Variants in NBPF20 observed in about 807,000 individuals in gnomAD.
NBPF20 encodes NBPF family member NBPF20.
NBPF20 carries 90 observed loss-of-function variants against 68.1 expected under a neutral mutation model. The ratio of observed to expected loss-of-function variants is 1.32; its 90% CI spans 1.11 to 1.58. The LOEUF (loss-of-function observed/expected upper bound fraction) is 1.58, where lower values mean the gene tolerates loss of function less well. Among genes scored for constraint, NBPF20 ranks in the 40% most tolerant of loss-of-function variants. The pLI is 0.00. For missense variants in NBPF20, 816 were observed against 601.2 expected (o/e 1.36, Z -3.74); for synonymous variants, 290 against 228.1 (o/e 1.27, Z -2.45).
intron 119 of NBPF20, among the ~76,000 whole-genome samples, 197 bp from the exon 125 acceptor site, chr1:145,306,262 G>GAC (rs1156980239): frequency 7.0e-6 from 1 of 143,674 alleles, no homozygotes; most frequent in African/African-American, 2.6e-5. Flanking sequence ...AAGACAGATA[G>GAC]ACACACACAC....
intron 8 of NBPF20, 50 bp downstream of exon 13, chr1:145,394,928 T>A: frequency 6.2e-7 from 1 of 1,610,704 alleles, no homozygotes; most frequent in Non-Finnish European, 8.5e-7. Flanking sequence ...TTATGGGGTC[T>A]ACCTGGGCCA....
intron 136 of NBPF20, 119 bp from the exon 142 acceptor site, chr1:145,292,608 T>G (rs587661599): frequency 5.3e-6 from 4 of 747,778 alleles, no homozygotes; most frequent in East Asian, 4.9e-5. Context: ...TAGGACACTT[T>G]GAGAGATATA....
In NBPF20 at chr1:145,402,155, T is replaced by A; in HGVS notation, c.493+12A>T. ...TGGGATTTTGGGTCATCAGGGCCTA[T>A]GGCCACCTTACCTGGGCTGAGCTTT... is the stretch of plus-strand genomic sequence containing the variant. On this transcript the variant is annotated intron_variant, in intron 4 of 137. Coordinates refer to ENST00000369373, the Ensembl canonical transcript of NBPF20. 1 of 1,449,852 alleles carries A rather than the reference T, an allele frequency of 6.9e-7. No homozygotes were observed. The highest frequency in any genetic ancestry group is 9.7e-7 in the Non-Finnish European group (1 of 1,033,608). The allele number at this position is 1,449,852 out of a possible 1,614,324, so 89.8% of individuals were successfully genotyped here. A position where few individuals can be genotyped will look rare whatever the true frequency, so the allele number is the denominator to read the frequency against.
intron 2 of NBPF20, among the ~76,000 whole-genome samples, chr1:145,403,976 G>A (rs1226592717): frequency 1.4e-5 from 2 of 138,392 alleles, no homozygotes; most frequent in Non-Finnish European, 3.1e-5. Flanking sequence ...AGATTGACAA[G>A]AAATAGCTCA....
At chr1:145,292,415 C>T (rs587703688) in exon 137 of NBPF20, 3 of 692,324 alleles carry the variant, frequency 4.3e-6, no homozygotes, top group South Asian at 3.1e-5. Context: ...TCTTCCCCTT[C>T]TTTTCTTCCC....
exon 6 of NBPF20, chr1:145,400,405 A>T: frequency 1.2e-6 from 2 of 1,612,920 alleles, no homozygotes; most frequent in Non-Finnish European, 1.7e-6. Context: ...TAATGTGTAC[A>T]GCATCCTCCC....
At chr1:145,406,214 G>T, upstream of NBPF20, among the ~76,000 whole-genome samples, 2 of 151,636 alleles carry the variant, frequency 1.3e-5, no homozygotes, top group South Asian at 2.1e-4. Flanking sequence ...GATTACAGGC[G>T]TGAGCCACCG....
exon 10 of NBPF20, chr1:145,393,078 C>T: frequency 5.3e-6 from 3 of 566,056 alleles, no homozygotes; most frequent in Non-Finnish European, 9.0e-6. Flanking sequence ...ACTCACCATC[C>T]ATGTCAACAG....
exon 2 of NBPF20, chr1:145,405,243 G>C (rs868983031): frequency 3.1e-6 from 5 of 1,610,282 alleles, no homozygotes; most frequent in African/African-American, 1.3e-5. Context: ...CTGCCTTCTC[G>C]CTGGACCAAG....
Position 145,400,610 on chromosome 1 carries a change from G to A in NBPF20, c.567-16C>T. On this transcript the variant is annotated splice_polypyrimidine_tract_variant and intron_variant, in intron 5 of 137. Transcript: ENST00000369373. ...CTGCATCTCCCTGATGAGCCAGGTG[G>A]GACAGAGATGACAGAAGATTAAACA... The A allele has an allele frequency of 1.9e-6, 3 of 1,607,732 alleles. No individual in the cohort carries two copies. The South Asian group carries it at 3.3e-5, about 18-fold the overall frequency.
At chr1:145,351,946 T>G in exon 62 of NBPF20, 2 of 59,678 alleles carry the variant, frequency 3.4e-5, no homozygotes, top group Non-Finnish European at 6.0e-5. Context: ...GCCAACATGT[T>G]TTTCCTCCAA....
At chr1:145,423,825 T>C in the NBPF20 span, among the ~76,000 whole-genome samples, 1 of 152,192 alleles carries the variant, frequency 6.6e-6, no homozygotes, top group African/African-American at 2.4e-5. Context: ...ACAATCACTT[T>C]GGGAAAACAT....
chr1:145,294,534 A>T, intron 134 of NBPF20: 1 of 15,344 alleles, frequency 6.5e-5, no homozygotes, highest in Non-Finnish European at 1.1e-4. Flanking sequence ...CCTGGGTCCA[A>T]TGTGCTGAGA....
At chr1:145,306,313 A>G (rs1661408608) in intron 119 of NBPF20, among the ~76,000 whole-genome samples, 38 of 149,074 alleles carry the variant, frequency 2.5e-4, no homozygotes, top group African/African-American at 8.6e-4. Context: ...ACACACACAC[A>G]CACAGAGAGA....
chr1:145,405,416 G>C (rs1396329953), exon 1 of NBPF20: 96 of 1,571,452 alleles, frequency 6.1e-5, no homozygotes, highest in African/African-American at 2.3e-4. Context: ...TTACTGTTGT[G>C]AAAAATGTGA....
intron 7 of NBPF20, among the ~76,000 whole-genome samples, chr1:145,397,854 G>C (rs1353258604): frequency 6.6e-6 from 1 of 152,094 alleles, no homozygotes; most frequent in African/African-American, 2.4e-5. Flanking sequence ...CACATGCAGA[G>C]ACACACATAG....
exon 138 of NBPF20, chr1:145,291,264 C>T (rs1234890606): frequency 5.1e-5 from 31 of 603,952 alleles, no homozygotes; most frequent in East Asian, 3.5e-4. Context: ...CCCAGAGATA[C>T]GTGGTTCAAA....
the NBPF20 span, among the ~76,000 whole-genome samples, chr1:145,422,040 GAAA>G: frequency 7.1e-6 from 1 of 141,332 alleles, no homozygotes; most frequent in African/African-American, 2.6e-5. Flanking sequence ...ACTGTCTCAA[GAAA>G]AAAAAAAAAA....
intron 109 of NBPF20, among the ~76,000 whole-genome samples, chr1:145,314,376 AG>A (rs1571349088): frequency 1.4e-5 from 1 of 69,706 alleles, no homozygotes; most frequent in East Asian, 4.9e-4. Context: ...GATCATGAAA[AG>A]ACTGTGCTCA....
Sources: gnomAD v4.1 joint callset for allele counts (sites outside exome capture counted in the v4.1 genomes callset) on GRCh38, gnomAD v4.1.1 for gene constraint, MANE v1.5 for transcripts, NCBI Gene and HGNC (gene_info 2026-07-23, HGNC 2026-07-21) for gene names.